GRM7: variants seen among roughly 807,000 people sequenced by gnomAD.
GRM7 encodes metabotropic glutamate receptor 7.
Under a neutral mutation model 84.5 loss-of-function variants are expected in GRM7, and 35 were observed. The ratio of observed to expected loss-of-function variants is 0.41; its 90% CI spans 0.32 to 0.55. GRM7 has a LOEUF of 0.55. GRM7 is among the 20% of genes least tolerant of loss of function. GRM7 has a pLI of 0.19. For missense variants in GRM7, 1,003 were observed against 1,194.6 expected (o/e 0.84, Z 2.36); for synonymous variants, 487 against 455.1 (o/e 1.07, Z -0.89).
intron 1 of GRM7, among the ~76,000 whole-genome samples, chr3:7,067,246 T>C (rs1001377004): frequency 6.6e-6 from 1 of 151,952 alleles, no homozygotes; most frequent in African/African-American, 2.4e-5. Context: ...TGTTTGCTGA[T>C]GATATGATCT....
chr3:6,886,003 T>C (rs1292903320), intron 1 of GRM7, among the ~76,000 whole-genome samples: 1 of 152,214 alleles, frequency 6.6e-6, no homozygotes, highest in Non-Finnish European at 1.5e-5. Context: ...ATATTCAACA[T>C]GTACCACAAG....
chr3:7,111,932 G>A (rs1225769620), intron 1 of GRM7, among the ~76,000 whole-genome samples: 4 of 152,082 alleles, frequency 2.6e-5, no homozygotes, highest in Non-Finnish European at 5.9e-5. Context: ...CCGTTTCAGG[G>A]CCTTTTAAAA....
At chr3:7,050,956 T>C (rs1326699504) in intron 1 of GRM7, among the ~76,000 whole-genome samples, 1 of 151,898 alleles carries the variant, frequency 6.6e-6, no homozygotes, top group African/African-American at 2.4e-5. Context: ...ATGCTTACAT[T>C]GTGTAAGCTC....
chr3:7,665,272 C>T lies in GRM7; in HGVS notation c.2452-14777C>T, dbSNP rs188872500. Among the ~76,000 whole-genome samples, 45 of 151,106 alleles carry T rather than the reference C, an allele frequency of 3.0e-4. 1 individual carries two copies. The East Asian group carries it at 8.9e-3, about 30-fold the overall frequency. On this transcript the variant is annotated intron_variant, in intron 8 of 9. Coordinates refer to ENST00000357716, the MANE Select transcript of GRM7 (RefSeq NM_000844.4). The stretch of plus-strand genomic sequence containing the variant: ...CTGCAAGATCCGCCTCCCGGGTTCA[C>T]GCCATTCTCCTGCCTCAGCCTCCCG...
At chr3:7,663,095 G>A (rs188432452) in intron 8 of GRM7, among the ~76,000 whole-genome samples, 140 of 152,236 alleles carry the variant, frequency 9.2e-4, no homozygotes, top group African/African-American at 3.2e-3. Flanking sequence ...GCCCATGAGG[G>A]TTCTAAGTGA....
chr3:7,296,669 T>C (rs570651477), intron 2 of GRM7, among the ~76,000 whole-genome samples: 37 of 152,278 alleles, frequency 2.4e-4, no homozygotes, highest in African/African-American at 8.7e-4. Flanking sequence ...GAGTTATCAC[T>C]AATATCCTCA....
chr3:7,459,700 C>A (rs1035878440), intron 6 of GRM7, among the ~76,000 whole-genome samples: 1 of 152,084 alleles, frequency 6.6e-6, no homozygotes, highest in Non-Finnish European at 1.5e-5. Flanking sequence ...CCACTGGGTC[C>A]CTCCCACAAC....
intron 2 of GRM7, among the ~76,000 whole-genome samples, chr3:7,150,060 T>C (rs1046543105): frequency 2.7e-5 from 4 of 148,024 alleles, no homozygotes; most frequent in African/African-American, 5.0e-5. Flanking sequence ...TGTGTATGTG[T>C]ATACATATAT....
At chr3:7,230,040 C>T (rs186197173) in intron 2 of GRM7, among the ~76,000 whole-genome samples, 3 of 151,084 alleles carry the variant, frequency 2.0e-5, no homozygotes, top group African/African-American at 7.3e-5. Context: ...GGGGTTTCAC[C>T]GTGTTAGCCA....
chr3:7,315,094 A>G (rs1173753429), intron 4 of GRM7, among the ~76,000 whole-genome samples: 1 of 152,178 alleles, frequency 6.6e-6, no homozygotes, highest in Non-Finnish European at 1.5e-5. Context: ...ACTATTAGAA[A>G]GAAAACAAAA....
chr3:7,196,194 C>T (rs773148819), intron 2 of GRM7, among the ~76,000 whole-genome samples: 5 of 151,952 alleles, frequency 3.3e-5, no homozygotes, highest in African/African-American at 7.3e-5. Flanking sequence ...GTCTTCTAGC[C>T]GAATTCCCTT....
intron 2 of GRM7, among the ~76,000 whole-genome samples, chr3:7,289,498 C>G (rs941723479): frequency 2.0e-5 from 3 of 152,098 alleles, no homozygotes; most frequent in African/African-American, 7.2e-5. Context: ...CCCAGCCATC[C>G]CATTACTGGG....
chr3:7,602,586 G>A (rs1159997279), intron 8 of GRM7, among the ~76,000 whole-genome samples: 2 of 152,136 alleles, frequency 1.3e-5, no homozygotes, highest in Admixed American at 6.6e-5. Flanking sequence ...CAGCATCAGC[G>A]ACTACTTGGG....
chr3:7,447,431 C>T (rs1274142600), intron 5 of GRM7, among the ~76,000 whole-genome samples: 2 of 152,084 alleles, frequency 1.3e-5, no homozygotes, highest in Non-Finnish European at 2.9e-5. Context: ...GTTAAATAAA[C>T]CTGGAAAATA....
chr3:7,311,653 G>A (rs912906038), intron 4 of GRM7, among the ~76,000 whole-genome samples: 3 of 151,222 alleles, frequency 2.0e-5, no homozygotes, highest in Non-Finnish European at 4.4e-5. Flanking sequence ...GAATGCAGTG[G>A]CGCAGTCTTG....
chr3:7,634,396 A>G (rs371900544), intron 8 of GRM7, among the ~76,000 whole-genome samples: 2 of 151,480 alleles, frequency 1.3e-5, no homozygotes. Flanking sequence ...TCCCATTGCA[A>G]ACTGAAAGCG....
intron 1 of GRM7, among the ~76,000 whole-genome samples, chr3:7,051,849 TA>T (rs1003328528): frequency 6.6e-6 from 1 of 151,802 alleles, no homozygotes; most frequent in Non-Finnish European, 1.5e-5. Context: ...GCTGACCTGG[TA>T]GATCAACCTG....
intron 1 of GRM7, among the ~76,000 whole-genome samples, chr3:7,111,060 A>AGAATG (rs1008701668): frequency 8.0e-4 from 121 of 152,196 alleles, no homozygotes; most frequent in African/African-American, 2.7e-3. Context: ...ACAGAGACAC[A>AGAATG]GAATGGAGAA....
chr3:7,430,574 C>A (rs973067718), intron 5 of GRM7, among the ~76,000 whole-genome samples: 2 of 152,166 alleles, frequency 1.3e-5, no homozygotes, highest in African/African-American at 4.8e-5. Flanking sequence ...AGGCACATAC[C>A]GATCTGTGCT....
Sources: allele counts gnomAD v4.1 joint callset (sites outside exome capture counted in the v4.1 genomes callset), GRCh38; gene constraint gnomAD v4.1.1; transcripts MANE v1.5; gene names NCBI Gene and HGNC (gene_info 2026-07-23, HGNC 2026-07-21).